The following TMEM232 variants were observed in gnomAD, a reference collection of about 807,000 sequenced individuals.
The protein encoded by TMEM232 is transmembrane protein 232.
Under a neutral mutation model 78.8 loss-of-function variants are expected in TMEM232, and 80 were observed. The observed-to-expected ratio is 1.01, with a 90% CI of 0.85 to 1.22. TMEM232 has a LOEUF of 1.22. TMEM232 is among the 50% of genes most tolerant of loss of function. The pLI, the probability that TMEM232 is intolerant of heterozygous loss-of-function variation, is 0.00. For missense variants in TMEM232, 881 were observed against 742.2 expected (o/e 1.19, Z -2.17); for synonymous variants, 297 against 254.3 (o/e 1.17, Z -1.60).
intron 2 of TMEM232, among the ~76,000 whole-genome samples, chr5:110,656,604 C>T (rs943302139): frequency 6.6e-6 from 1 of 152,148 alleles, no homozygotes; most frequent in Non-Finnish European, 1.5e-5. Flanking sequence ...CTTTGGGAGG[C>T]TGAGGCGGGA....
At chr5:110,421,419 ATATAT>A (rs1756629199) in intron 13 of TMEM232, among the ~76,000 whole-genome samples, 1 of 150,284 alleles carries the variant, frequency 6.7e-6, no homozygotes, top group African/African-American at 2.4e-5. Flanking sequence ...CATGAAAAAT[ATATAT>A]ATATATATAA....
At chr5:110,642,470 G>A (rs1786872457) in intron 2 of TMEM232, 99 bp from the exon 3 acceptor site, 1 of 780,590 alleles carries the variant, frequency 1.3e-6, no homozygotes. Flanking sequence ...CTATATTCTA[G>A]CAAAAATACT....
At chr5:110,458,093 T>G (rs1400560700) in intron 12 of TMEM232, among the ~76,000 whole-genome samples, 4 of 152,168 alleles carry the variant, frequency 2.6e-5, no homozygotes, top group Non-Finnish European at 4.4e-5. Context: ...CTGTTAATTT[T>G]GTTCATTAAC....
intron 12 of TMEM232, among the ~76,000 whole-genome samples, chr5:110,455,305 G>C (rs1415916468): frequency 6.6e-6 from 1 of 151,550 alleles, no homozygotes; most frequent in African/African-American, 2.4e-5. Flanking sequence ...GTGCTGCCCT[G>C]ATATTAAAAC....
chr5:110,388,573 C>A (rs1232660549), intron 4 of TMEM232, among the ~76,000 whole-genome samples: 1 of 152,146 alleles, frequency 6.6e-6, no homozygotes, highest in African/African-American at 2.4e-5. Context: ...TTTTTTAACT[C>A]CTATATCACT....
chr5:110,421,493 T>C (rs1394250619), intron 13 of TMEM232, among the ~76,000 whole-genome samples: 2 of 151,988 alleles, frequency 1.3e-5, no homozygotes, highest in Non-Finnish European at 2.9e-5. Context: ...TAAAAACAGA[T>C]GGTGAACACT....
At chr5:110,567,441 C>T (rs554825162) in intron 11 of TMEM232, among the ~76,000 whole-genome samples, 8 of 151,640 alleles carry the variant, frequency 5.3e-5, no homozygotes, top group Non-Finnish European at 1.2e-4. Context: ...TGGGATACAG[C>T]ATTGAAAAAA....
chr5:110,637,617 C>A (rs1257988211), intron 5 of TMEM232, among the ~76,000 whole-genome samples: 1 of 151,626 alleles, frequency 6.6e-6, no homozygotes. Flanking sequence ...ATACTTTTAG[C>A]CTTTCTTTTC....
intron 12 of TMEM232, among the ~76,000 whole-genome samples, chr5:110,461,583 T>C (rs1395015579): frequency 6.6e-6 from 1 of 152,230 alleles, no homozygotes; most frequent in African/African-American, 2.4e-5. Context: ...ATGTTCAATG[T>C]GGATGAAAAG....
At chr5:110,541,625 C>T (rs1334244818) in intron 11 of TMEM232, among the ~76,000 whole-genome samples, 1 of 152,112 alleles carries the variant, frequency 6.6e-6, no homozygotes, top group African/African-American at 2.4e-5. Context: ...GTAGAAAGGA[C>T]TATCCAAACT....
chr5:110,574,327 A>G (rs1777321552), intron 10 of TMEM232, among the ~76,000 whole-genome samples: 2 of 152,204 alleles, frequency 1.3e-5, no homozygotes, highest in South Asian at 4.1e-4. Context: ...TAACTCTTTG[A>G]AGTAATCTAG....
At chr5:110,730,068 G>A (rs528709680), upstream of TMEM232, among the ~76,000 whole-genome samples, 1 of 152,166 alleles carries the variant, frequency 6.6e-6, no homozygotes, top group East Asian at 1.9e-4. Flanking sequence ...TAAAAAGTCA[G>A]GAAAGAGATG....
intron 1 of TMEM232, among the ~76,000 whole-genome samples, chr5:110,688,018 T>C (rs926785003): frequency 6.6e-6 from 1 of 152,088 alleles, no homozygotes; most frequent in South Asian, 2.1e-4. Flanking sequence ...TGATGTCTCT[T>C]AAGTATGAAG....
intron 12 of TMEM232, among the ~76,000 whole-genome samples, chr5:110,439,489 C>A (rs982846033): frequency 2.0e-5 from 3 of 151,906 alleles, no homozygotes; most frequent in Non-Finnish European, 2.9e-5. Flanking sequence ...TGAAGAACTG[C>A]CAGTCAAGGG....
intron 2 of TMEM232, among the ~76,000 whole-genome samples, chr5:110,660,282 A>G (rs1789609390): frequency 6.6e-6 from 1 of 152,120 alleles, no homozygotes; most frequent in Non-Finnish European, 1.5e-5. Context: ...TACCAACAAT[A>G]TTCTAGAGGA....
downstream of TMEM232, among the ~76,000 whole-genome samples, chr5:110,414,803 C>T (rs1291328342): frequency 6.6e-6 from 1 of 152,088 alleles, no homozygotes; most frequent in African/African-American, 2.4e-5. Context: ...GATGGGAGCC[C>T]GTGTCCTTAA....
At chr5:110,557,630 T>A (rs917608989) in intron 11 of TMEM232, among the ~76,000 whole-genome samples, 10 of 152,138 alleles carry the variant, frequency 6.6e-5, no homozygotes, top group African/African-American at 2.4e-4. Context: ...AGCAGGTATA[T>A]CTTACATGGC....
At chr5:110,537,928 T>G (rs1056201831) in intron 11 of TMEM232, among the ~76,000 whole-genome samples, 2 of 152,164 alleles carry the variant, frequency 1.3e-5, no homozygotes, top group Non-Finnish European at 2.9e-5. Context: ...AAAGATGAAA[T>G]CTTTGAGGCC....
intron 12 of TMEM232, among the ~76,000 whole-genome samples, chr5:110,502,430 G>A (rs1428234792): frequency 6.6e-6 from 1 of 152,162 alleles, no homozygotes; most frequent in Non-Finnish European, 1.5e-5. Flanking sequence ...ATAAACCTAG[G>A]TCATTTTCAA....
Sources: gnomAD v4.1 joint callset for allele counts (sites outside exome capture counted in the v4.1 genomes callset) on GRCh38, gnomAD v4.1.1 for gene constraint, MANE v1.5 for transcripts, NCBI Gene and HGNC (gene_info 2026-07-23, HGNC 2026-07-21) for gene names.